Variants in MCU observed in about 807,000 individuals in gnomAD.
MCU encodes calcium uniporter protein, mitochondrial.
Under a neutral mutation model 45.2 loss-of-function variants are expected in MCU, and 12 were observed. The ratio of observed to expected loss-of-function variants is 0.27; its 90% CI spans 0.17 to 0.43. MCU has a LOEUF of 0.43. MCU is among the 20% of genes least tolerant of loss of function. The pLI is 1.00. For missense variants in MCU, 324 were observed against 436.7 expected, an observed-to-expected ratio of 0.74 and a Z score of 2.30; for synonymous variants, 160 against 165.1, an observed-to-expected ratio of 0.97 and a Z score of 0.24.
At chr10:72,714,343 G>GTTTTTTTTTTTTTTT (rs1479850646) in intron 1 of MCU, among the ~76,000 whole-genome samples, 4 of 49,486 alleles carry the variant, frequency 8.1e-5, no homozygotes, top group African/African-American at 2.2e-4. Flanking sequence ...CCCCGCCCTG[G>GTTTTTTTTTTTTTTT]TCTTTTTTTT....
intron 1 of MCU, among the ~76,000 whole-genome samples, chr10:72,719,028 T>C (rs1217661911): frequency 6.6e-6 from 1 of 152,178 alleles, no homozygotes; most frequent in East Asian, 1.9e-4. Context: ...GTGCTAGTAA[T>C]GTTCTGTCTC....
rs563255607 is a variant in MCU, at chr10:72,876,854, C to T, written c.861+5274C>T. On this transcript the variant is annotated intron_variant, in intron 6 of 7. Transcript: ENST00000373053. Reference sequence around the variant, plus strand: ...GTGTTCCCTGTGTTTTTAACCTCTCCCTCTGTGACTTTCTTTCTTTCCTAA... The same window carrying T: ...GTGTTCCCTGTGTTTTTAACCTCTCTCTCTGTGACTTTCTTTCTTTCCTAA... Among the ~76,000 whole-genome samples the T allele has an allele frequency of 2.6e-5, 4 of 151,946 alleles. No individual in the cohort carries two copies. In the South Asian group the frequency reaches 6.2e-4, roughly 24 times the overall value.
At chr10:72,801,796 C>T (rs753897964) in intron 1 of MCU, among the ~76,000 whole-genome samples, 5 of 151,388 alleles carry the variant, frequency 3.3e-5, no homozygotes, top group African/African-American at 4.9e-5. Flanking sequence ...CTCAGCCTCC[C>T]GGGTAACTGA....
intron 1 of MCU, among the ~76,000 whole-genome samples, chr10:72,777,505 C>T (rs778352184): frequency 5.9e-5 from 9 of 152,096 alleles, no homozygotes; most frequent in South Asian, 4.1e-4. Context: ...TGCAGAAGAA[C>T]GAAACTAGAC....
intron 1 of MCU, among the ~76,000 whole-genome samples, chr10:72,716,782 G>A (rs1842960298): frequency 1.3e-5 from 2 of 151,956 alleles, no homozygotes; most frequent in South Asian, 4.2e-4. Flanking sequence ...TGAGGTGAAA[G>A]GATCGCTTGA....
chr10:72,754,524 G>T (rs753336167), intron 1 of MCU, among the ~76,000 whole-genome samples: 6 of 152,180 alleles, frequency 3.9e-5, no homozygotes, highest in Admixed American at 1.3e-4. Context: ...GCTAAGGCAG[G>T]GGGATTACTT....
chr10:72,750,998 A>C (rs558714774), intron 1 of MCU, among the ~76,000 whole-genome samples: 1 of 151,900 alleles, frequency 6.6e-6, no homozygotes, highest in Non-Finnish European at 1.5e-5. Context: ...ATTCATTTTT[A>C]TTTTTTATTT....
At chr10:72,813,458 T>G (rs1844575898) in intron 1 of MCU, among the ~76,000 whole-genome samples, 1 of 134,166 alleles carries the variant, frequency 7.5e-6, no homozygotes, top group African/African-American at 2.9e-5. Context: ...CTCTTTTTTT[T>G]TTTTTTTTTT....
At chr10:72,698,036 C>T (rs1842712173) in intron 1 of MCU, among the ~76,000 whole-genome samples, 2 of 152,102 alleles carry the variant, frequency 1.3e-5, no homozygotes, top group African/African-American at 2.4e-5. Flanking sequence ...TCACTTTAGC[C>T]TCCCAGAGTG....
In MCU at chr10:72,794,477, A is replaced by C. The variant is rs116485938; in HGVS notation, c.151-39882A>C. Among the ~76,000 whole-genome samples the C allele has an allele frequency of 6.0e-3, 906 of 152,228 alleles. 12 individuals carry two copies. Among genetic ancestry groups the C allele is most frequent in the African/African-American group, 0.021 (854 of 41,528 alleles). ...CTCTTCATTCGCTGAGTCATCCTTGATTCTGCATAAAAGTAGCCTGTTTTT... is the reference window on the plus strand; with the variant it reads ...CTCTTCATTCGCTGAGTCATCCTTGCTTCTGCATAAAAGTAGCCTGTTTTT... On this transcript the variant is annotated intron_variant, in intron 1 of 7. Transcript: ENST00000373053.
intron 4 of MCU, among the ~76,000 whole-genome samples, chr10:72,862,130 C>T (rs1038664764): frequency 8.6e-5 from 13 of 151,784 alleles, no homozygotes; most frequent in Non-Finnish European, 1.3e-4. Flanking sequence ...TACAGGTGCC[C>T]GCCACCACGC....
At chr10:72,724,020 G>A (rs1390929056) in intron 1 of MCU, among the ~76,000 whole-genome samples, 1 of 152,136 alleles carries the variant, frequency 6.6e-6, no homozygotes, top group Non-Finnish European at 1.5e-5. Flanking sequence ...TTTGTCTCTA[G>A]ATTTGCTCAT....
chr10:72,871,241 A>ACCT (rs1437169973), intron 5 of MCU, 136 bp from the exon 6 acceptor site: 1 of 780,922 alleles, frequency 1.3e-6, no homozygotes, highest in Non-Finnish European at 2.2e-6. Flanking sequence ...ACTATTTAGG[A>ACCT]AGACAAGCTA....
chr10:72,870,311 C>T (rs1845521167), intron 5 of MCU, among the ~76,000 whole-genome samples: 1 of 152,148 alleles, frequency 6.6e-6, no homozygotes, highest in Non-Finnish European at 1.5e-5. Flanking sequence ...CGGAGTCTCA[C>T]TCTATTGCCC....
At chr10:72,759,404 G>A (rs752982929) in intron 1 of MCU, among the ~76,000 whole-genome samples, 11 of 152,276 alleles carry the variant, frequency 7.2e-5, no homozygotes, top group Admixed American at 3.3e-4. Flanking sequence ...TTAGGTCGGG[G>A]TCAGTCTTTA....
intron 4 of MCU, 116 bp downstream of exon 4, chr10:72,860,643 G>A (rs1845362258): frequency 1.3e-6 from 1 of 746,742 alleles, no homozygotes; most frequent in African/African-American, 1.7e-5. Context: ...AACACTGAAA[G>A]TTTTATATAC....
At chr10:72,702,903 G>A (rs762391014) in intron 1 of MCU, among the ~76,000 whole-genome samples, 2 of 151,924 alleles carry the variant, frequency 1.3e-5, no homozygotes, top group Non-Finnish European at 2.9e-5. Flanking sequence ...CACTTGAACC[G>A]GGAGGCAGAG....
rs1330799156 is a variant in MCU at position 72,868,714 on chromosome 10, C to CA, written c.509dup (p.His170GlnfsTer2). 6.2e-7 allele frequency: 1 copy of CA among 1,612,948 alleles called. No individual in the cohort carries two copies. Among genetic ancestry groups the CA allele is most frequent in the Non-Finnish European group, 8.5e-7 (1 of 1,179,746 alleles). On this transcript the variant is annotated frameshift_variant, in exon 5 of 8. Transcript: ENST00000373053. LOFTEE classifies it high-confidence loss of function. ...AACTTTTGTTTCAGACCTCTTAAGT[C>CA]ATGAAAATGCAGCAACGCTGAATGA...
chr10:72,692,876 A>T, intron 1 of MCU: 2 of 1,449,468 alleles, frequency 1.4e-6, no homozygotes, highest in Non-Finnish European at 1.8e-6. Context: ...CCCCTCTGTG[A>T]CTTCCTCTGT....
Sources: allele counts gnomAD v4.1 joint callset (sites outside exome capture counted in the v4.1 genomes callset), GRCh38; gene constraint gnomAD v4.1.1; transcripts MANE v1.5; gene names NCBI Gene and HGNC (gene_info 2026-07-23, HGNC 2026-07-21).